Variants in MAD1L1 observed in about 807,000 individuals in gnomAD.
The protein encoded by MAD1L1 is mitotic arrest deficient 1 like 1, also known as mitotic spindle assembly checkpoint protein MAD1.
A neutral mutation model predicts 96.9 loss-of-function variants in MAD1L1; 95 were observed. That is an observed-to-expected ratio of 0.98 (90% CI 0.83 to 1.16). The LOEUF is 1.16. MAD1L1 is among the 50% of genes most tolerant of loss of function. The probability of loss-of-function intolerance (pLI) is 0.00; values close to 1 mark genes in which losing one functional copy is unlikely to be tolerated. For synonymous variants in MAD1L1, 473 were observed against 396.6 expected, an observed-to-expected ratio of 1.19 and a Z score of -2.29; for missense variants, 1,007 against 954.4, an observed-to-expected ratio of 1.06 and a Z score of -0.73.
intron 10 of MAD1L1, among the ~76,000 whole-genome samples, chr7:2,189,169 T>A (rs1310622299): frequency 6.6e-6 from 1 of 151,630 alleles, no homozygotes; most frequent in Non-Finnish European, 1.5e-5. Context: ...AAAAAAAAAA[T>A]CACATCACAT....
At chr7:1,834,454 C>T (rs1782850284) in intron 18 of MAD1L1, among the ~76,000 whole-genome samples, 1 of 152,170 alleles carries the variant, frequency 6.6e-6, no homozygotes, top group South Asian at 2.1e-4. Context: ...GATAGCACTA[C>T]AGATCCTACA....
chr7:1,897,992 A>G lies in MAD1L1; in HGVS notation c.1998+208T>C, dbSNP rs955010537. 8.8e-4 allele frequency: 533 copies of G among 606,662 alleles called. 6 individuals are homozygous for G. Among genetic ancestry groups the G allele is most frequent in the Middle Eastern group, 4.3e-4 (1 of 2,312 alleles). The allele number at this position is 606,662 out of a possible 1,614,324, so 37.6% of individuals were successfully genotyped here. ...AGGGTCTTCTGCACCCAGGAGGTCC[A>G]GGGCTGCAAAGCCACATAGGGTTGG... is the stretch of plus-strand genomic sequence containing the variant. On this transcript the variant is annotated intron_variant, in intron 18 of 18. Coordinates refer to ENST00000265854, the MANE Select transcript of MAD1L1 (RefSeq NM_001013836.2).
chr7:2,198,089 T>C (rs114638588), intron 10 of MAD1L1, among the ~76,000 whole-genome samples: 1 of 149,054 alleles, frequency 6.7e-6, no homozygotes, highest in Non-Finnish European at 1.5e-5. Context: ...TTGGGTTTTT[T>C]TTTTTTTTTT....
chr7:1,967,532 T>C (rs144764275), intron 15 of MAD1L1, among the ~76,000 whole-genome samples: 151 of 152,306 alleles, frequency 9.9e-4, no homozygotes, highest in African/African-American at 3.2e-3. Flanking sequence ...TAAAGGCAGC[T>C]GGCGGGAGGG....
chr7:2,091,289 GC>G (rs1382908258), intron 11 of MAD1L1, among the ~76,000 whole-genome samples: 1 of 151,980 alleles, frequency 6.6e-6, no homozygotes, highest in African/African-American at 2.4e-5. Flanking sequence ...CCTGCTCTGG[GC>G]CCCGGTCAGC....
chr7:2,016,190 C>T (rs1415098729), intron 12 of MAD1L1, among the ~76,000 whole-genome samples: 2 of 152,168 alleles, frequency 1.3e-5, no homozygotes, highest in African/African-American at 2.4e-5. Context: ...ACCCGGGAAG[C>T]GGTCTCCACT....
intron 10 of MAD1L1, among the ~76,000 whole-genome samples, chr7:2,172,109 C>A (rs2128595546): frequency 6.6e-6 from 1 of 152,254 alleles, no homozygotes; most frequent in Middle Eastern, 3.4e-3. Flanking sequence ...GACAACAGTG[C>A]CCCCACCTCA....
At chr7:2,069,125 C>T in intron 12 of MAD1L1, 69 bp downstream of exon 12, 1 of 1,460,402 alleles carries the variant, frequency 6.8e-7, no homozygotes, top group Non-Finnish European at 9.0e-7. Context: ...CAGTGAGATC[C>T]AGCTAACCAG....
At chr7:2,116,224 G>A (rs7776896) in intron 11 of MAD1L1, among the ~76,000 whole-genome samples, 1 of 152,226 alleles carries the variant, frequency 6.6e-6, no homozygotes, top group African/African-American at 2.4e-5. Flanking sequence ...CGAGAGCCAG[G>A]CCCAGGGAGC....
At chr7:2,134,177 ATTTC>A (rs1475101966) in intron 11 of MAD1L1, among the ~76,000 whole-genome samples, 1 of 151,628 alleles carries the variant, frequency 6.6e-6, no homozygotes, top group African/African-American at 2.4e-5. Flanking sequence ...TACGGCTTTG[ATTTC>A]TTTCATCAGG....
chr7:2,021,867 C>A (rs376526485), intron 12 of MAD1L1, among the ~76,000 whole-genome samples: 1 of 152,108 alleles, frequency 6.6e-6, no homozygotes, highest in Non-Finnish European at 1.5e-5. Context: ...GGTGGATTCT[C>A]CAGAGAATCC....
In MAD1L1 at chr7:2,017,118, C is replaced by T. The variant is rs557435829; in HGVS notation, c.1219-2476G>A. Among the ~76,000 whole-genome samples, 303 of 152,360 alleles carry T rather than the reference C, an allele frequency of 2.0e-3. 1 individual carries two copies. The highest frequency in any genetic ancestry group is 3.6e-3 in the Non-Finnish European group (244 of 68,026). ...AGAAAGTTTGTTGTTTGTACCCTTT[C>T]AAGAACCTGTTTTGTCACCGGTAGT... On this transcript the variant is annotated intron_variant, in intron 12 of 18. Coordinates refer to ENST00000265854, the MANE Select transcript of MAD1L1 (RefSeq NM_001013836.2).
rs570111750 is a variant in MAD1L1 at position 1,968,379 on chromosome 7, C to T, written c.1506-10660G>A. ...CCAGTGGTCAGGTCCACTGTCAATG[C>T]CTCAGTCCAGCGGTCAGGTCCACTG... On this transcript the variant is annotated intron_variant, in intron 15 of 18. Transcript: ENST00000265854. This position sits in a 1 kb window ranked among gnomAD's most constrained non-coding sequence, Gnocchi z 5.6. Among the ~76,000 whole-genome samples, 1 of 151,604 alleles carries T rather than the reference C, an allele frequency of 6.6e-6. No homozygotes were observed. The highest frequency in any genetic ancestry group is 2.1e-4 in the South Asian group (1 of 4,762).
chr7:2,166,042 T>C (rs1418119032), intron 10 of MAD1L1, among the ~76,000 whole-genome samples: 2 of 152,176 alleles, frequency 1.3e-5, no homozygotes, highest in South Asian at 4.1e-4. Context: ...TTAAGTGACT[T>C]CAGTAAAACC....
intron 17 of MAD1L1, among the ~76,000 whole-genome samples, chr7:1,919,666 T>C (rs1411939157): frequency 6.6e-6 from 1 of 152,204 alleles, no homozygotes; most frequent in Non-Finnish European, 1.5e-5. Context: ...GCCTCTGCTA[T>C]AAACACACCC....
chr7:2,095,737 C>T (rs1020903150), intron 11 of MAD1L1, among the ~76,000 whole-genome samples: 4 of 152,178 alleles, frequency 2.6e-5, no homozygotes, highest in South Asian at 2.1e-4. Flanking sequence ...GCTCAGCCGG[C>T]GGGGCCAACG....
chr7:2,116,912 CAAA>C (rs1787734167), intron 11 of MAD1L1, among the ~76,000 whole-genome samples: 1 of 152,182 alleles, frequency 6.6e-6, no homozygotes, highest in South Asian at 2.1e-4. Context: ...ACAGTGGAGA[CAAA>C]GAAGTATTTG....
At chr7:1,832,334 TG>T (rs1185154448) in intron 18 of MAD1L1, among the ~76,000 whole-genome samples, 2 of 152,124 alleles carry the variant, frequency 1.3e-5, no homozygotes, top group African/African-American at 4.8e-5. Context: ...TGCAATCTCA[TG>T]ATCAAGCTTG....
chr7:2,135,912 G>A (rs1406124523), intron 11 of MAD1L1, among the ~76,000 whole-genome samples: 2 of 152,166 alleles, frequency 1.3e-5, no homozygotes, highest in East Asian at 1.9e-4. Context: ...AGGCATTTGG[G>A]AAGCGTGGCC....
Sources: gnomAD v4.1 joint callset for allele counts (sites outside exome capture counted in the v4.1 genomes callset) on GRCh38, gnomAD v4.1.1 for gene constraint, Gnocchi (gnomAD v3.1) non-coding constraint, MANE v1.5 for transcripts, NCBI Gene and HGNC (gene_info 2026-07-23, HGNC 2026-07-21) for gene names.